Variants in GREB1 observed in about 807,000 individuals in gnomAD.
GREB1 encodes the protein protein GREB1.
In GREB1, 106 loss-of-function variants were observed where a neutral mutation model predicts 200.7. The ratio of observed to expected loss-of-function variants is 0.53; its 90% confidence interval spans 0.45 to 0.62. GREB1 has a LOEUF of 0.62. GREB1 is among the 20% of genes least tolerant of loss of function. The probability of loss-of-function intolerance (pLI) is 0.00; values close to 1 mark genes in which losing one functional copy is unlikely to be tolerated. For missense variants in GREB1, 2,243 were observed against 2,556.8 expected, an observed-to-expected ratio of 0.88 and a Z score of 2.65; for synonymous variants, 1,132 against 1,092.4, an observed-to-expected ratio of 1.04 and a Z score of -0.72.
At chr2:11,575,410 C>T (rs1449376488) in intron 4 of GREB1, among the ~76,000 whole-genome samples, 3 of 152,216 alleles carry the variant, frequency 2.0e-5, no homozygotes, top group African/African-American at 4.8e-5. Context: ...GTATGAAGGT[C>T]TTTTCAAGCA....
At chr2:11,528,910 T>C (rs1251871301) in intron 1 of GREB1, among the ~76,000 whole-genome samples, 2 of 152,214 alleles carry the variant, frequency 1.3e-5, no homozygotes, top group African/African-American at 2.4e-5. Context: ...TATTAAAATG[T>C]GACTTTGATT....
chr2:11,639,424 G>A (rs1685645719), intron 32 of GREB1, among the ~76,000 whole-genome samples: 1 of 152,132 alleles, frequency 6.6e-6, no homozygotes, highest in African/African-American at 2.4e-5. Flanking sequence ...CTTCACATCG[G>A]TGTCCCAGTC....
chr2:11,578,082 T>G (rs554625960), intron 5 of GREB1, among the ~76,000 whole-genome samples: 3 of 152,352 alleles, frequency 2.0e-5, no homozygotes, highest in East Asian at 3.9e-4. Context: ...CTCCCACTCT[T>G]GACAACCAGA....
At chr2:11,566,209 G>A (rs143678296) in intron 3 of GREB1, among the ~76,000 whole-genome samples, 2,001 of 152,126 alleles carry the variant, frequency 0.013, 36 homozygotes, top group African/African-American at 0.045. Context: ...AGTAGATGGG[G>A]TTTCACTACA....
chr2:11,532,058 A>G (rs777107797), upstream of GREB1, among the ~76,000 whole-genome samples: 1 of 152,174 alleles, frequency 6.6e-6, no homozygotes, highest in Non-Finnish European at 1.5e-5. Context: ...TGAATATGCC[A>G]TATTAAATAT....
chr2:11,585,096 A>G, intron 7 of GREB1, 65 bp from the exon 8 acceptor site: 1 of 823,830 alleles, frequency 1.2e-6, no homozygotes, highest in Non-Finnish European at 1.8e-6. Context: ...TCTCCAAACC[A>G]AGGGTAAATT....
intron 1 of GREB1, among the ~76,000 whole-genome samples, chr2:11,542,072 C>G (rs978124350): frequency 6.6e-6 from 1 of 152,072 alleles, no homozygotes; most frequent in South Asian, 2.1e-4. Flanking sequence ...ACCTGCACTT[C>G]CTGTGTCTCG....
intron 1 of GREB1, among the ~76,000 whole-genome samples, chr2:11,523,119 A>T (rs1299525362): frequency 6.6e-6 from 1 of 152,216 alleles, no homozygotes; most frequent in Non-Finnish European, 1.5e-5. Context: ...TAGCAGACTA[A>T]CACAGGAACA....
At chr2:11,591,690 GA>G in intron 10 of GREB1, 1 of 476,508 alleles carries the variant, frequency 2.1e-6, no homozygotes, top group Non-Finnish European at 3.8e-6. Flanking sequence ...CCACCTTTGA[GA>G]ATTTAGGCGA....
chr2:11,588,557 C>T lies in GREB1; in HGVS notation c.1160-189C>T. On this transcript the variant is annotated intron_variant, in intron 9 of 32. Coordinates refer to ENST00000381486, the MANE Select transcript of GREB1 (RefSeq NM_014668.4). ...CCCCATTGGTTAGAAAAGGTGACTC[C>T]TCTCATCCTAGGCTCCAGGAGGGTG... The T allele has an allele frequency of 4.5e-6, 3 of 665,056 alleles. No individual in the cohort carries two copies. In the South Asian group the frequency reaches 5.2e-5, roughly 12 times the overall value. 41.2% of individuals were successfully genotyped at this position (665,056 alleles called of 1,614,324 possible).
Position 11,548,812 on chromosome 2 carries a change from G to A in GREB1, c.-161-7642G>A, listed in dbSNP as rs72772044. 6.6e-6 allele frequency among the ~76,000 whole-genome samples: 1 copy of A among 152,174 alleles called. No homozygotes were observed. Among genetic ancestry groups the A allele is most frequent in the Non-Finnish European group, 1.5e-5 (1 of 68,016 alleles). On this transcript the variant is annotated intron_variant, in intron 1 of 32. Coordinates refer to ENST00000381486, the MANE Select transcript of GREB1 (RefSeq NM_014668.4). The surrounding 1 kb of genome is among the most constrained non-coding windows in gnomAD (Gnocchi z 5.1). ...TAGTTTCTTGAGAAAGTGAACTTGG[G>A]AGATAAATTGCTTTGAGATTTTGCA...
chr2:11,483,397 A>G (rs1358534529), intron 1 of GREB1, among the ~76,000 whole-genome samples: 1 of 150,862 alleles, frequency 6.6e-6, no homozygotes, highest in Non-Finnish European at 1.5e-5. Flanking sequence ...AGCCCTCGGT[A>G]GGTGGGAGCC....
rs754604427 is a variant in GREB1, at chr2:11,632,914, G to A, written c.4842G>A (p.Glu1614=). Reference sequence around the variant, plus strand: ...GTGCTGCTCATTTCCTCATCAAGGAGCTGTCCTACCATAACCTGGAGCTCG... The same window carrying A: ...GTGCTGCTCATTTCCTCATCAAGGAACTGTCCTACCATAACCTGGAGCTCG... ...GVGAAHFLIK[E]LSYHNLELER... The change falls in exon 28 of 33, where the codon GAG becomes GAA. Residue 1614 remains glutamate (E), a synonymous_variant. Transcript: ENST00000381486. 60 of 1,613,968 alleles carry A rather than the reference G, an allele frequency of 3.7e-5. No homozygotes were observed. Among genetic ancestry groups the A allele is most frequent in the Admixed American group, 1.7e-4 (10 of 59,998 alleles).
chr2:11,632,172 A>G (rs1684927418), intron 27 of GREB1, 59 bp downstream of exon 27: 1 of 1,207,714 alleles, frequency 8.3e-7, no homozygotes, highest in Non-Finnish European at 1.2e-6. Context: ...CACTTGAGAG[A>G]GTGTTCTAGA....
At position 11,618,623 on chromosome 2, in the gene GREB1, A is replaced by C; in HGVS notation, c.3748A>C (p.Thr1250Pro). The change falls in exon 22 of 33, where the codon ACC becomes CCC. Residue 1250 changes from threonine to proline, a missense_variant. Physicochemically the swap from Thr to Pro is conservative, Grantham distance 38. Transcript: ENST00000381486. ...WVLQASQCSLTKACRQPPIVF... is the reference protein window; with the variant it reads ...WVLQASQCSLPKACRQPPIVF... Reference sequence around the variant, plus strand: ...CCTGCAGGCCTCCCAGTGCTCCTTGACCAAGGCCTGCCGCCAGCCACCCAT... The same window carrying C: ...CCTGCAGGCCTCCCAGTGCTCCTTGCCCAAGGCCTGCCGCCAGCCACCCAT... The C allele has an allele frequency of 6.2e-7, 1 of 1,613,170 alleles. No individual in the cohort carries two copies. Among genetic ancestry groups the C allele is most frequent in the Non-Finnish European group, 8.5e-7 (1 of 1,179,882 alleles).
chr2:11,582,063 G>T (rs115303839), intron 7 of GREB1, among the ~76,000 whole-genome samples: 2 of 80,444 alleles, frequency 2.5e-5, no homozygotes, highest in Non-Finnish European at 2.8e-5. Flanking sequence ...CTTCTCTGCC[G>T]GTGCTGCATT....
chr2:11,564,884 G>C (rs1347366642), intron 3 of GREB1, among the ~76,000 whole-genome samples: 1 of 152,202 alleles, frequency 6.6e-6, no homozygotes, highest in African/African-American at 2.4e-5. Context: ...AAGGTGAAAG[G>C]CACATCACAT....
intron 1 of GREB1, among the ~76,000 whole-genome samples, chr2:11,484,044 A>C (rs752569024): frequency 6.6e-6 from 1 of 152,176 alleles, no homozygotes; most frequent in East Asian, 1.9e-4. Context: ...GGAGTTAGAC[A>C]TGGGGATTCT....
At chr2:11,522,970 A>C (rs1488605555) in intron 1 of GREB1, among the ~76,000 whole-genome samples, 1 of 152,216 alleles carries the variant, frequency 6.6e-6, no homozygotes, top group Admixed American at 6.5e-5. Flanking sequence ...TATGGAATCA[A>C]CCTAGATGCC....
Sources: gnomAD v4.1 joint callset for allele counts (sites outside exome capture counted in the v4.1 genomes callset) on GRCh38, gnomAD v4.1.1 for gene constraint, Gnocchi (gnomAD v3.1) non-coding constraint, MANE v1.5 for transcripts, NCBI Gene and HGNC (gene_info 2026-07-23, HGNC 2026-07-21) for gene names.